The following CEP350 variants were observed in gnomAD, a reference collection of about 807,000 sequenced individuals.
CEP350 encodes the protein centrosomal protein 350.
Under a neutral mutation model 331.8 loss-of-function variants are expected in CEP350, and 126 were observed. The ratio of observed to expected loss-of-function variants is 0.38; its 90% confidence interval spans 0.33 to 0.44. The LOEUF (loss-of-function observed/expected upper bound fraction) is 0.44, where lower values mean the gene tolerates loss of function less well. Among genes scored for constraint, CEP350 ranks in the 20% least tolerant of loss-of-function variants. CEP350 has a pLI of 1.00. For missense variants in CEP350, 3,406 were observed against 3,634.6 expected, an observed-to-expected ratio of 0.94 and a Z score of 1.62; for synonymous variants, 1,200 against 1,259.5, an observed-to-expected ratio of 0.95 and a Z score of 1.00.
At chr1:180,018,966 G>A (rs1361917149) in intron 11 of CEP350, among the ~76,000 whole-genome samples, 2 of 147,472 alleles carry the variant, frequency 1.4e-5, no homozygotes, top group African/African-American at 5.0e-5. Flanking sequence ...AGCGATACTT[G>A]TGCCTTAACC....
intron 25 of CEP350, among the ~76,000 whole-genome samples, chr1:180,057,485 G>A (rs567267093): frequency 6.6e-6 from 1 of 150,620 alleles, no homozygotes; most frequent in East Asian, 1.9e-4. Context: ...ATGTGGCCAT[G>A]TGTGCCTCTA....
rs1660293618 is a variant in CEP350, at chr1:180,093,137, C to T, written c.7032C>T (p.Ile2344=). 6.2e-7 allele frequency: 1 copy of T among 1,600,938 alleles called. No homozygotes were observed. The highest frequency in any genetic ancestry group is 1.3e-5 in the African/African-American group (1 of 74,754). The stretch of plus-strand genomic sequence containing the variant: ...AAGATATGAATCATAGTCCAAACAT[C>T]CAATCAGGAAAAGACATTCACGAAC... The part of the protein sequence containing the change: ...SDQDMNHSPN[I]QSGKDIHEQK... Residue 2344 remains isoleucine, a synonymous_variant, in exon 34 of 38, where the codon ATC becomes ATT. Coordinates refer to ENST00000367607, the MANE Select transcript of CEP350 (RefSeq NM_014810.5).
chr1:179,989,327 A>C (rs1164406464), intron 3 of CEP350, among the ~76,000 whole-genome samples: 1 of 151,780 alleles, frequency 6.6e-6, no homozygotes, highest in Non-Finnish European at 1.5e-5. Context: ...AAAAAAAAAT[A>C]CAAAAATTAG....
intron 28 of CEP350, among the ~76,000 whole-genome samples, chr1:180,078,204 A>G (rs1659353200): frequency 6.6e-6 from 1 of 152,180 alleles, no homozygotes; most frequent in Non-Finnish European, 1.5e-5. Flanking sequence ...CACAAAATGC[A>G]GAAACTTACT....
intron 5 of CEP350, 100 bp from the exon 6 acceptor site, chr1:179,996,453 T>C (rs925198472): frequency 7.3e-6 from 6 of 825,320 alleles, no homozygotes; most frequent in Non-Finnish European, 1.1e-5. Flanking sequence ...CTCATTCTTA[T>C]TTTTTTGTGG....
chr1:180,087,971 T>A lies in CEP350; in HGVS notation c.6425+254T>A, dbSNP rs375450340. On this transcript the variant is annotated intron_variant, in intron 32 of 37. Transcript: ENST00000367607. ...TGAAAATGGTAGTTTCCAACATTGC[T>A]AGTAGTAGCATAAGTTGATGTAGAC... 5.5e-4 allele frequency among the ~76,000 whole-genome samples: 84 copies of A among 152,254 alleles called. 1 individual carries two copies. The South Asian group carries it at 0.017, about 30-fold the overall frequency.
chr1:179,986,028 T>C, intron 1 of CEP350, 141 bp from the exon 2 acceptor site: 2 of 609,988 alleles, frequency 3.3e-6, no homozygotes, highest in Non-Finnish European at 5.5e-6. Context: ...TGTTATTATT[T>C]TGTGTGTTTT....
At position 179,968,996 on chromosome 1, in the gene CEP350, G is replaced by A. The variant is rs902930487; in HGVS notation, c.-14+13854G>A. On this transcript the variant is annotated intron_variant, in intron 1 of 37. Transcript: ENST00000367607. The stretch of plus-strand genomic sequence containing the variant: ...ACTAACCAGATCCAGGCAGCCTTCC[G>A]GGAGCCATGGCTTGTGGTGGTTTGA... 6.7e-5 allele frequency: 51 copies of A among 756,420 alleles called. 3 individuals carry two copies. Among genetic ancestry groups the A allele is most frequent in the South Asian group, 5.2e-4 (39 of 74,398 alleles). The allele number at this position is 756,420 out of a possible 1,614,324, so 46.9% of individuals were successfully genotyped here.
At chr1:179,989,008 A>G (rs1652852278) in intron 3 of CEP350, among the ~76,000 whole-genome samples, 2 of 152,292 alleles carry the variant, frequency 1.3e-5, no homozygotes, top group African/African-American at 4.8e-5. Context: ...CACTAAGTTA[A>G]TAACTGTTAA....
Position 179,996,685 on chromosome 1 carries a change from A to T in CEP350, c.528A>T (p.Ile176=), listed in dbSNP as rs1460482239. Residue 176 remains isoleucine, a synonymous_variant, in exon 6 of 38, where the codon ATA becomes ATT. Coordinates refer to ENST00000367607, the MANE Select transcript of CEP350 (RefSeq NM_014810.5). ...TAGGCAGTCGAGAAGAACGGAATAT[A>T]CGGAGCTGTGATTTTGAGAGCTCCC... The part of the protein sequence containing the change: ...WMIGSREERN[I]RSCDFESSQS... The T allele has an allele frequency of 1.2e-6, 2 of 1,613,740 alleles. No homozygotes were observed. Among genetic ancestry groups the T allele is most frequent in the Non-Finnish European group, 8.5e-7 (1 of 1,179,774 alleles).
chr1:180,042,984 A>G, intron 19 of CEP350, 72 bp from the exon 20 acceptor site: 1 of 1,502,102 alleles, frequency 6.7e-7, no homozygotes, highest in South Asian at 1.3e-5. Flanking sequence ...TTTCCAAGAC[A>G]CTATGCTCCT....
intron 27 of CEP350, 119 bp from the exon 28 acceptor site, chr1:180,074,903 T>G: frequency 1.3e-6 from 1 of 754,124 alleles, no homozygotes. Flanking sequence ...GAGAGAAGAG[T>G]AGTATGAATG....
chr1:179,956,186 G>T lies in CEP350; in HGVS notation c.-14+1044G>T, dbSNP rs530037492. On this transcript the variant is annotated intron_variant, in intron 1 of 37. Transcript: ENST00000367607. ...GCTGGAAGTTGCTTCAAAGCCATGG[G>T]CGTATAATAATTAGTTTCGGTGTGC... 2.0e-5 allele frequency among the ~76,000 whole-genome samples: 3 copies of T among 152,248 alleles called. No individual in the cohort carries two copies. The East Asian group carries it at 5.8e-4, about 29-fold the overall frequency.
chr1:180,013,794 C>G, intron 9 of CEP350, 53 bp from the exon 10 acceptor site: 2 of 1,451,626 alleles, frequency 1.4e-6, no homozygotes, highest in East Asian at 2.3e-5. Flanking sequence ...GCAGTTAAAT[C>G]TTAGGAATGA....
In CEP350 at chr1:180,019,936, CT is replaced by C; in HGVS notation, c.2175-10del. The C allele has an allele frequency of 6.4e-7, 1 of 1,553,700 alleles. No individual in the cohort carries two copies. The highest frequency in any genetic ancestry group is 8.7e-7 in the Non-Finnish European group (1 of 1,154,966). On this transcript the variant is annotated splice_polypyrimidine_tract_variant and intron_variant, in intron 11 of 37. Coordinates refer to ENST00000367607, the MANE Select transcript of CEP350 (RefSeq NM_014810.5). ...GGTTTAGTTAACTAACATATTGTGA[CT>C]TTCATTTCCAGAAAAGACTTGATGG...
chr1:180,050,796 G>A (rs1657451276), intron 22 of CEP350, among the ~76,000 whole-genome samples: 2 of 151,780 alleles, frequency 1.3e-5, no homozygotes, highest in Admixed American at 1.3e-4. Context: ...ATAGACACAG[G>A]AAAAAGTCTT....
At position 180,113,243 on chromosome 1, in the gene CEP350, C is replaced by T. The variant is rs1419533189; in HGVS notation, c.*2082C>T. On this transcript the variant is annotated 3_prime_UTR_variant, in exon 38 of 38. Transcript: ENST00000367607. ...TTACGATACTGAAACTTTACAGCTG[C>T]TGTAAATTTTTTATAAATGAATTTC... 6.6e-6 allele frequency: 1 copy of T among 152,202 alleles called. No homozygotes were observed. Among genetic ancestry groups the T allele is most frequent in the Non-Finnish European group, 1.5e-5 (1 of 68,020 alleles). The allele number at this position is 152,202 out of a possible 1,614,324, so 9.4% of individuals were successfully genotyped here.
intron 1 of CEP350, among the ~76,000 whole-genome samples, chr1:179,961,883 TCA>T (rs1358512250): frequency 6.6e-6 from 1 of 152,170 alleles, no homozygotes; most frequent in Non-Finnish European, 1.5e-5. Flanking sequence ...GGAGTCTCTG[TCA>T]CCCAGGCTGG....
At chr1:180,091,254 C>T (rs1025617329) in intron 33 of CEP350, among the ~76,000 whole-genome samples, 1 of 151,712 alleles carries the variant, frequency 6.6e-6, no homozygotes, top group Non-Finnish European at 1.5e-5. Context: ...CTTGGACTCA[C>T]GCAGTCCTCC....
Sources: allele counts gnomAD v4.1 joint callset (sites outside exome capture counted in the v4.1 genomes callset), GRCh38; gene constraint gnomAD v4.1.1; transcripts MANE v1.5; gene names NCBI Gene and HGNC (gene_info 2026-07-23, HGNC 2026-07-21).